The following RGS7 variants were observed in gnomAD, a reference collection of about 807,000 sequenced individuals.
RGS7 encodes regulator of G protein signaling 7.
A neutral mutation model predicts 81.1 loss-of-function variants in RGS7; 27 were observed. That is an observed-to-expected ratio of 0.33 (90% CI 0.25 to 0.46). The LOEUF is 0.46. Ranked by LOEUF, RGS7 falls within the 20% of genes least tolerant of loss-of-function variation. The pLI, the probability that RGS7 is intolerant of heterozygous loss-of-function variation, is 1.00. For synonymous variants in RGS7, 208 were observed against 207.7 expected, an observed-to-expected ratio of 1.00 and a Z score of -0.01; for missense variants, 396 against 607.4, an observed-to-expected ratio of 0.65 and a Z score of 3.66.
chr1:241,017,085 A>G (rs2059290414), intron 3 of RGS7, among the ~76,000 whole-genome samples: 1 of 152,216 alleles, frequency 6.6e-6, no homozygotes, highest in African/African-American at 2.4e-5. Flanking sequence ...CTCGTTTATT[A>G]CAAGTGCAGG....
At chr1:241,335,243 G>A (rs2082177476) in intron 2 of RGS7, among the ~76,000 whole-genome samples, 1 of 152,148 alleles carries the variant, frequency 6.6e-6, no homozygotes, top group Non-Finnish European at 1.5e-5. Context: ...CACACACAGA[G>A]ATACATGCAC....
At chr1:241,167,587 C>T (rs11803109) in intron 2 of RGS7, among the ~76,000 whole-genome samples, 13 of 151,886 alleles carry the variant, frequency 8.6e-5, no homozygotes, top group Admixed American at 7.9e-4. Flanking sequence ...GGCGCAATCT[C>T]GGCTCACTGC....
intron 3 of RGS7, among the ~76,000 whole-genome samples, chr1:241,091,585 A>G (rs1384402098): frequency 6.8e-6 from 1 of 148,024 alleles, no homozygotes; most frequent in Non-Finnish European, 1.5e-5. Flanking sequence ...AAATAAATAA[A>G]TAAATAAATA....
At position 240,997,755 on chromosome 1, in the gene RGS7, CAG is replaced by C. The variant is rs1687515375; in HGVS notation, c.176-14628_176-14627del. Among the ~76,000 whole-genome samples, 12 of 152,184 alleles carry C rather than the reference CAG, an allele frequency of 7.9e-5. No homozygotes were observed. In the South Asian group the frequency reaches 2.5e-3, roughly 31 times the overall value. ...AGGAGAATCACGTGAATCCAGGAGA[CAG>C]AGGTTGCAGTGAGCGGAGATCGTGC... On this transcript the variant is annotated intron_variant, in intron 3 of 18. Transcript: ENST00000440928.
At chr1:240,804,700 GAA>G (rs1688563498) in intron 15 of RGS7, among the ~76,000 whole-genome samples, 1 of 152,156 alleles carries the variant, frequency 6.6e-6, no homozygotes, top group Admixed American at 6.5e-5. Flanking sequence ...TGGACTGAAA[GAA>G]AGAAAAATCA....
chr1:241,332,593 T>A (rs938640910), intron 2 of RGS7, among the ~76,000 whole-genome samples: 4 of 152,140 alleles, frequency 2.6e-5, no homozygotes, highest in Non-Finnish European at 4.4e-5. Flanking sequence ...CCCTTCACCA[T>A]CTAAGAGTCC....
chr1:241,188,660 T>C (rs2072339350), intron 2 of RGS7, among the ~76,000 whole-genome samples: 2 of 152,164 alleles, frequency 1.3e-5, no homozygotes, highest in Admixed American at 6.5e-5. Flanking sequence ...AACCACCTCA[T>C]GATAGTCTTG....
At chr1:240,825,716 T>G (rs547681276) in intron 10 of RGS7, among the ~76,000 whole-genome samples, 2 of 152,302 alleles carry the variant, frequency 1.3e-5, no homozygotes, top group East Asian at 3.9e-4. Context: ...GCTGATGGTA[T>G]GTAAAGAACG....
chr1:240,878,676 A>C (rs1665882295), intron 6 of RGS7, among the ~76,000 whole-genome samples: 1 of 152,108 alleles, frequency 6.6e-6, no homozygotes, highest in African/African-American at 2.4e-5. Context: ...TTTACTAAAC[A>C]ATGCAGAAAA....
At chr1:240,863,459 C>T (rs1052219576) in intron 9 of RGS7, among the ~76,000 whole-genome samples, 10 of 151,940 alleles carry the variant, frequency 6.6e-5, no homozygotes, top group Admixed American at 5.2e-4. Context: ...TGGGCGACAA[C>T]GTGAGATTCT....
At chr1:240,929,909 A>G (rs1473364513) in intron 6 of RGS7, among the ~76,000 whole-genome samples, 2 of 152,224 alleles carry the variant, frequency 1.3e-5, no homozygotes, top group Non-Finnish European at 2.9e-5. Flanking sequence ...CTCCTTCTGT[A>G]TAATCCTATT....
chr1:241,291,548 T>C, intron 2 of RGS7, among the ~76,000 whole-genome samples: 1 of 147,798 alleles, frequency 6.8e-6, no homozygotes, highest in Admixed American at 6.7e-5. Flanking sequence ...ATCTTTCCCT[T>C]TCTGGCTCAG....
intron 3 of RGS7, among the ~76,000 whole-genome samples, chr1:241,022,982 T>G (rs2059613082): frequency 1.3e-5 from 2 of 151,928 alleles, no homozygotes; most frequent in Admixed American, 1.3e-4. Context: ...CTATTGTTGT[T>G]AAAATGATAC....
chr1:240,957,862 A>C (rs1185996189), intron 4 of RGS7, among the ~76,000 whole-genome samples: 2 of 152,210 alleles, frequency 1.3e-5, no homozygotes, highest in Non-Finnish European at 2.9e-5. Flanking sequence ...ATTACAATTA[A>C]AAAATCACTC....
At chr1:241,127,500 C>T (rs557823268) in intron 2 of RGS7, among the ~76,000 whole-genome samples, 79 of 152,220 alleles carry the variant, frequency 5.2e-4, no homozygotes, top group African/African-American at 1.8e-3. Context: ...AATGAGAACA[C>T]ATGGACACAG....
chr1:241,207,214 G>A (rs1291282661), intron 2 of RGS7, among the ~76,000 whole-genome samples: 2 of 150,282 alleles, frequency 1.3e-5, no homozygotes, highest in African/African-American at 4.9e-5. Flanking sequence ...TGATCTGCCC[G>A]CCTCGGCCTC....
At chr1:241,243,262 G>T (rs943149117) in intron 2 of RGS7, among the ~76,000 whole-genome samples, 1 of 152,126 alleles carries the variant, frequency 6.6e-6, no homozygotes, top group Non-Finnish European at 1.5e-5. Flanking sequence ...AAGTCACCAG[G>T]AATGAAGAAT....
chr1:240,979,023 T>A (rs1478254782), intron 4 of RGS7, among the ~76,000 whole-genome samples: 1 of 152,074 alleles, frequency 6.6e-6, no homozygotes, highest in African/African-American at 2.4e-5. Flanking sequence ...GAAATGGCAA[T>A]GGCCCATTTA....
At chr1:240,985,426 G>A (rs1453173111) in intron 3 of RGS7, among the ~76,000 whole-genome samples, 1 of 150,442 alleles carries the variant, frequency 6.6e-6, no homozygotes, top group Non-Finnish European at 1.5e-5. Context: ...GTTCTGTTAC[G>A]CTTTCTTTCC....
Sources: gnomAD v4.1 joint callset for allele counts (sites outside exome capture counted in the v4.1 genomes callset) on GRCh38, gnomAD v4.1.1 for gene constraint, MANE v1.5 for transcripts, NCBI Gene and HGNC (gene_info 2026-07-23, HGNC 2026-07-21) for gene names.